Variants in SCRN1 observed in about 807,000 individuals in gnomAD.
SCRN1 encodes the protein secernin-1.
In SCRN1, 19 loss-of-function variants were observed where a neutral mutation model predicts 43.3. The observed-to-expected ratio is 0.44, with a 90% confidence interval of 0.31 to 0.64. The LOEUF (loss-of-function observed/expected upper bound fraction) is 0.64. Ranked by LOEUF, SCRN1 falls within the 30% of genes least tolerant of loss-of-function variation. The pLI is 0.09. For missense variants in SCRN1, 447 were observed against 524.1 expected (o/e 0.85, Z 1.44); for synonymous variants, 183 against 188.9 (o/e 0.97, Z 0.26).
intron 3 of SCRN1, among the ~76,000 whole-genome samples, chr7:29,951,989 C>T (rs368406739): frequency 2.0e-5 from 3 of 152,186 alleles, no homozygotes; most frequent in Non-Finnish European, 4.4e-5. Context: ...TGGACATAGC[C>T]TGCTCTCATA....
intron 3 of SCRN1, among the ~76,000 whole-genome samples, chr7:29,951,994 C>G (rs568136359): frequency 6.6e-6 from 1 of 152,320 alleles, no homozygotes; most frequent in African/African-American, 2.4e-5. Context: ...ATAGCCTGCT[C>G]TCATAGAAGC....
intron 6 of SCRN1, among the ~76,000 whole-genome samples, chr7:29,928,229 G>C (rs1205178430): frequency 6.6e-6 from 1 of 152,188 alleles, no homozygotes; most frequent in African/African-American, 2.4e-5. Context: ...CGGACTTGCA[G>C]CAACAGTATC....
intron 3 of SCRN1, among the ~76,000 whole-genome samples, chr7:29,953,906 G>T (rs1319396892): frequency 6.6e-6 from 1 of 152,126 alleles, no homozygotes; most frequent in African/African-American, 2.4e-5. Flanking sequence ...TTGAAAAAAT[G>T]AGGAAACTGT....
In SCRN1 at chr7:29,965,229, G is replaced by T. The variant is rs915072748; in HGVS notation, c.159+3680C>A. Among the ~76,000 whole-genome samples the T allele has an allele frequency of 1.3e-5, 2 of 152,162 alleles. No homozygotes were observed. Among genetic ancestry groups the T allele is most frequent in the Non-Finnish European group, 2.9e-5 (2 of 68,030 alleles). ...TCTGAATGGCATACAAATCAGCTTGGACTCTCATCCTGTAAACAAAACGAA... is the reference window on the plus strand; with the variant it reads ...TCTGAATGGCATACAAATCAGCTTGTACTCTCATCCTGTAAACAAAACGAA... On this transcript the variant is annotated intron_variant, in intron 2 of 7. Coordinates refer to ENST00000242059, the MANE Select transcript of SCRN1 (RefSeq NM_014766.5). The surrounding 1 kb of genome is among the most constrained non-coding windows in gnomAD (Gnocchi z 4.2).
chr7:29,961,350 G>T (rs1222878124), intron 2 of SCRN1, among the ~76,000 whole-genome samples: 3 of 125,856 alleles, frequency 2.4e-5, no homozygotes, highest in Admixed American at 8.4e-5. Context: ...ACCCTGAGTG[G>T]ACACAGCACA....
intron 4 of SCRN1, among the ~76,000 whole-genome samples, chr7:29,943,330 G>A (rs1160941084): frequency 1.3e-5 from 2 of 151,978 alleles, no homozygotes; most frequent in Non-Finnish European, 2.9e-5. Context: ...GCTGAGGTGG[G>A]GATACAAAAC....
Position 29,936,686 on chromosome 7 carries a change from G to A in SCRN1, c.775C>T (p.Arg259Trp), listed in dbSNP as rs770164892. 1.2e-5 allele frequency: 19 copies of A among 1,584,002 alleles called. No homozygotes were observed. Among genetic ancestry groups the A allele is most frequent in the Admixed American group, 6.8e-5 (4 of 59,150 alleles). ...ATGCACACTCCGCTGGCTTTGTCCCGTAAGGTGTTCATCATAGTCTGCACT... is the reference window on the plus strand; with the variant it reads ...ATGCACACTCCGCTGGCTTTGTCCCATAAGGTGTTCATCATAGTCTGCACT... ...ITVQTMMNTL[R>W]DKASGVCIDS... The change falls in exon 6 of 8, where the codon CGG (arginine) becomes TGG (tryptophan). Residue 259 changes from arginine (R) to tryptophan (W), a missense_variant. Transcript: ENST00000242059.
Position 29,965,641 on chromosome 7 carries a change from A to G in SCRN1, c.159+3268T>C, listed in dbSNP as rs1338689577. ...CTGCAGAATATGCAAGTGGGAACGC[A>G]AAGAGGCAGCTCAAAACACAGGTAT... On this transcript the variant is annotated intron_variant, in intron 2 of 7. Coordinates refer to ENST00000242059, the MANE Select transcript of SCRN1 (RefSeq NM_014766.5). The surrounding 1 kb of genome is among the most constrained non-coding windows in gnomAD (Gnocchi z 4.2). 1.3e-5 allele frequency among the ~76,000 whole-genome samples: 2 copies of G among 152,210 alleles called. No individual in the cohort carries two copies. Among genetic ancestry groups the G allele is most frequent in the East Asian group, 3.9e-4 (2 of 5,190 alleles).
intron 1 of SCRN1, among the ~76,000 whole-genome samples, chr7:29,983,359 G>A (rs976149692): frequency 6.6e-6 from 1 of 150,732 alleles, no homozygotes; most frequent in East Asian, 1.9e-4. Context: ...GCTAGATGAC[G>A]AGTTGGTGGG....
At chr7:29,967,235 T>A (rs564090340) in intron 2 of SCRN1, among the ~76,000 whole-genome samples, 1 of 151,878 alleles carries the variant, frequency 6.6e-6, no homozygotes, top group East Asian at 1.9e-4. Flanking sequence ...AAACAAAACA[T>A]AACCAAGAAG....
intron 5 of SCRN1, among the ~76,000 whole-genome samples, chr7:29,937,167 G>A (rs1347083317): frequency 6.6e-6 from 1 of 152,192 alleles, no homozygotes; most frequent in Non-Finnish European, 1.5e-5. Context: ...TTACATCTGG[G>A]ACTGTAACTA....
At position 29,921,174 on chromosome 7, in the gene SCRN1, A is replaced by G. The variant is rs1583639814; in HGVS notation, c.*2783T>C. On this transcript the variant is annotated 3_prime_UTR_variant, in exon 8 of 8. Coordinates refer to ENST00000242059, the MANE Select transcript of SCRN1 (RefSeq NM_014766.5). ...GGCTATGGCTTCTTTCTGCACAAGCATGCTCAGCCCCCACCCCAGTCTGAA... is the reference window on the plus strand; with the variant it reads ...GGCTATGGCTTCTTTCTGCACAAGCGTGCTCAGCCCCCACCCCAGTCTGAA... 1 of 152,656 alleles carries G rather than the reference A, an allele frequency of 6.6e-6. No homozygotes were observed. Among genetic ancestry groups the G allele is most frequent in the East Asian group, 1.9e-4 (1 of 5,198 alleles). The allele number at this position is 152,656 out of a possible 1,614,324, so 9.5% of individuals were successfully genotyped here.
Position 29,984,067 on chromosome 7 carries a change from G to A in SCRN1, c.-2+5575C>T, listed in dbSNP as rs141337885. ...CTAAAAATACAAAAATCAGTCGGGC[G>A]TGGTGGCGCTCACCTGTGAGCCAAG... On this transcript the variant is annotated intron_variant, in intron 1 of 7. Coordinates refer to ENST00000242059, the MANE Select transcript of SCRN1 (RefSeq NM_014766.5). Among the ~76,000 whole-genome samples the A allele has an allele frequency of 2.2e-3, 328 of 152,114 alleles. 1 individual carries two copies. The highest frequency in any genetic ancestry group is 6.8e-3 in the Middle Eastern group (2 of 294).
At chr7:29,946,618 T>C (rs1016487695) in intron 3 of SCRN1, among the ~76,000 whole-genome samples, 3 of 152,226 alleles carry the variant, frequency 2.0e-5, no homozygotes, top group African/African-American at 7.2e-5. Flanking sequence ...GACTTGCACT[T>C]GCCCTCCCAT....
chr7:29,943,730 G>T (rs189922978), intron 4 of SCRN1, among the ~76,000 whole-genome samples: 57 of 152,262 alleles, frequency 3.7e-4, no homozygotes, highest in Non-Finnish European at 6.6e-4. Context: ...TCAAAAGCAG[G>T]TTCTTCCCAG....
intron 1 of SCRN1, among the ~76,000 whole-genome samples, chr7:29,976,944 G>A (rs1034703691): frequency 6.6e-5 from 10 of 152,220 alleles, no homozygotes; most frequent in African/African-American, 2.4e-4. Flanking sequence ...AGCTGTGTGG[G>A]AGAAAAGGTC....
chr7:29,932,569 T>C (rs1400531646), intron 6 of SCRN1, among the ~76,000 whole-genome samples: 1 of 147,750 alleles, frequency 6.8e-6, no homozygotes, highest in African/African-American at 2.5e-5. Flanking sequence ...GGAGAATCGT[T>C]TGAACCCAGG....
intron 3 of SCRN1, among the ~76,000 whole-genome samples, chr7:29,945,253 C>G (rs1361140064): frequency 6.6e-6 from 1 of 152,152 alleles, no homozygotes; most frequent in African/African-American, 2.4e-5. Context: ...TGTGTCCCCA[C>G]CCAAATCTCA....
chr7:29,942,142 AC>A (rs1400772558), intron 4 of SCRN1, among the ~76,000 whole-genome samples: 1 of 152,246 alleles, frequency 6.6e-6, no homozygotes, highest in Admixed American at 6.5e-5. Context: ...TTTGGCCTAA[AC>A]AAGTGATTTT....
Sources: gnomAD v4.1 joint callset for allele counts (sites outside exome capture counted in the v4.1 genomes callset) on GRCh38, gnomAD v4.1.1 for gene constraint, Gnocchi (gnomAD v3.1) non-coding constraint, MANE v1.5 for transcripts, NCBI Gene and HGNC (gene_info 2026-07-23, HGNC 2026-07-21) for gene names.